PACRG: variants seen among roughly 807,000 people sequenced by gnomAD.
PACRG encodes the protein parkin coregulated.
A neutral mutation model predicts 29.7 loss-of-function variants in PACRG; 29 were observed. The observed-to-expected ratio is 0.98, with a 90% confidence interval of 0.73 to 1.33. The LOEUF (loss-of-function observed/expected upper bound fraction) is 1.33, where lower values mean the gene tolerates loss of function less well. Among genes scored for constraint, PACRG ranks in the 40% most tolerant of loss-of-function variants. PACRG has a pLI of 0.00. For synonymous variants in PACRG, 116 were observed against 118.7 expected, an observed-to-expected ratio of 0.98 and a Z score of 0.15; for missense variants, 279 against 316.2, an observed-to-expected ratio of 0.88 and a Z score of 0.89.
chr6:163,065,203 T>C (rs368226319), intron 3 of PACRG, among the ~76,000 whole-genome samples: 1 of 152,120 alleles, frequency 6.6e-6, no homozygotes, highest in Non-Finnish European at 1.5e-5. Context: ...TTGAGTTATT[T>C]TGGGTCAGAA....
At chr6:162,888,203 G>A (rs971347329) in intron 2 of PACRG, among the ~76,000 whole-genome samples, 1 of 151,990 alleles carries the variant, frequency 6.6e-6, no homozygotes, top group South Asian at 2.1e-4. Flanking sequence ...GGGCTGCGGG[G>A]TGTCATCCTC....
intron 2 of PACRG, among the ~76,000 whole-genome samples, chr6:162,901,265 G>C (rs570237429): frequency 6.6e-6 from 1 of 152,304 alleles, no homozygotes; most frequent in Admixed American, 6.5e-5. Context: ...CTTCCTACCA[G>C]GTAGAGTGTT....
rs556162942 is a variant in PACRG, at chr6:163,248,248, TCATTCA to T, written c.614-66578_614-66573del. On this transcript the variant is annotated intron_variant, in intron 4 of 4. Coordinates refer to ENST00000366888, the MANE Select transcript of PACRG (RefSeq NM_001080379.2). ...CGCAAGAAAGATTCCCTTCTTTGTTTCATTCAGCTGTCGCTGAGAATCAAAGAATGC... is the reference window on the plus strand; with the variant it reads ...CGCAAGAAAGATTCCCTTCTTTGTTTGCTGTCGCTGAGAATCAAAGAATGC... Among the ~76,000 whole-genome samples the T allele has an allele frequency of 4.1e-3, 623 of 152,352 alleles. 5 individuals carry two copies. The highest frequency in any genetic ancestry group is 5.5e-3 in the Non-Finnish European group (375 of 68,030).
intron 2 of PACRG, among the ~76,000 whole-genome samples, chr6:162,865,313 A>G (rs1792204465): frequency 6.6e-6 from 1 of 152,202 alleles, no homozygotes; most frequent in South Asian, 2.1e-4. Flanking sequence ...GTATATGAGT[A>G]TGTTGAGAAA....
At chr6:163,095,448 T>C (rs1814487167) in intron 4 of PACRG, 3 of 980,904 alleles carry the variant, frequency 3.1e-6, no homozygotes, top group Admixed American at 1.2e-4. Flanking sequence ...CTTAGCTTCC[T>C]GGAGCCACGT....
chr6:162,930,211 T>C (rs977856285), intron 2 of PACRG, among the ~76,000 whole-genome samples: 1 of 151,942 alleles, frequency 6.6e-6, no homozygotes, highest in Non-Finnish European at 1.5e-5. Context: ...AAATTAGTTA[T>C]TCCAATCCAT....
At chr6:163,018,369 C>A (rs1401177721) in intron 2 of PACRG, among the ~76,000 whole-genome samples, 1 of 152,174 alleles carries the variant, frequency 6.6e-6, no homozygotes, top group East Asian at 1.9e-4. Flanking sequence ...TAAGGCAATG[C>A]CTCACCAGAT....
intron 4 of PACRG, among the ~76,000 whole-genome samples, chr6:163,307,731 G>A (rs1428451072): frequency 1.3e-5 from 2 of 152,224 alleles, no homozygotes; most frequent in Admixed American, 1.3e-4. Context: ...AAGTTACATA[G>A]CAAAGCTAAA....
chr6:162,849,367 G>A (rs1790674622), intron 2 of PACRG, among the ~76,000 whole-genome samples: 1 of 152,202 alleles, frequency 6.6e-6, no homozygotes, highest in South Asian at 2.1e-4. Context: ...AGCTTCTGCA[G>A]CTATAGTCAG....
intron 2 of PACRG, among the ~76,000 whole-genome samples, chr6:162,885,873 G>A (rs867362706): frequency 6.6e-6 from 1 of 152,166 alleles, no homozygotes; most frequent in Non-Finnish European, 1.5e-5. Context: ...CTGTCTTAGA[G>A]TGCATTTCCT....
intron 1 of PACRG, among the ~76,000 whole-genome samples, chr6:162,756,570 G>A (rs1342032791): frequency 2.0e-5 from 3 of 151,928 alleles, no homozygotes; most frequent in Non-Finnish European, 4.4e-5. Flanking sequence ...GGCAGCATGT[G>A]GTTGGATCTT....
At chr6:163,273,521 T>C (rs941117018) in intron 4 of PACRG, among the ~76,000 whole-genome samples, 1 of 152,204 alleles carries the variant, frequency 6.6e-6, no homozygotes, top group African/African-American at 2.4e-5. Flanking sequence ...TAAGACTTTT[T>C]AGATTTTCTG....
At position 163,138,687 on chromosome 6, in the gene PACRG, C is replaced by G. The variant is rs570847951; in HGVS notation, c.613+49279C>G. On this transcript the variant is annotated intron_variant, in intron 4 of 4. Transcript: ENST00000366888. The stretch of plus-strand genomic sequence containing the variant: ...CACTGCTCACCTCCTGCTATGCAGC[C>G]TGGTTCCTAACAGAACGTGGACCTG... Among the ~76,000 whole-genome samples the G allele has an allele frequency of 2.0e-5, 3 of 152,294 alleles. No individual in the cohort carries two copies. The South Asian group carries it at 6.2e-4, about 32-fold the overall frequency.
chr6:162,958,522 T>A (rs1048562759), intron 2 of PACRG, among the ~76,000 whole-genome samples: 2 of 152,102 alleles, frequency 1.3e-5, no homozygotes, highest in African/African-American at 4.8e-5. Context: ...TCATTTTAGT[T>A]GTAGCATCTG....
intron 2 of PACRG, among the ~76,000 whole-genome samples, chr6:162,964,772 G>C (rs1407230548): frequency 1.3e-5 from 2 of 152,198 alleles, no homozygotes; most frequent in Non-Finnish European, 2.9e-5. Flanking sequence ...CCTGAGCTAA[G>C]ATTAGGAAGT....
At chr6:162,818,381 G>A (rs1787535734) in intron 2 of PACRG, among the ~76,000 whole-genome samples, 1 of 152,080 alleles carries the variant, frequency 6.6e-6, no homozygotes, top group African/African-American at 2.4e-5. Flanking sequence ...TCTAATGATG[G>A]TGATCGGGGT....
At chr6:163,116,236 C>T (rs1320180237) in intron 4 of PACRG, among the ~76,000 whole-genome samples, 1 of 152,118 alleles carries the variant, frequency 6.6e-6, no homozygotes, top group African/African-American at 2.4e-5. Context: ...AGAAGCAGGC[C>T]CGTCTTACAT....
At chr6:162,814,421 A>G in intron 2 of PACRG, 140 bp downstream of exon 2, 1 of 1,086,720 alleles carries the variant, frequency 9.2e-7, no homozygotes, top group South Asian at 1.9e-5. Context: ...CTCTTAGAGA[A>G]AGCCCCCCTG....
intron 4 of PACRG, among the ~76,000 whole-genome samples, chr6:163,227,865 A>G (rs1028492594): frequency 2.8e-4 from 43 of 152,192 alleles, no homozygotes; most frequent in African/African-American, 9.6e-4. Flanking sequence ...GGTTATGATA[A>G]TAAGAAAATA....
Sources: gnomAD v4.1 joint callset for allele counts (sites outside exome capture counted in the v4.1 genomes callset) on GRCh38, gnomAD v4.1.1 for gene constraint, MANE v1.5 for transcripts, NCBI Gene and HGNC (gene_info 2026-07-23, HGNC 2026-07-21) for gene names.